BAAT: variants seen among roughly 807,000 people sequenced by gnomAD.
The protein encoded by BAAT is bile acid CoA: amino acid N-acyltransferase (glycine N-choloyltransferase).
A neutral mutation model predicts 18.9 loss-of-function variants in BAAT; 13 were observed. The observed-to-expected ratio is 0.69, with a 90% CI of 0.45 to 1.10. The LOEUF is 1.10. BAAT is among the 50% of genes least tolerant of loss of function. The pLI is 0.00. For missense variants in BAAT, 489 were observed against 504.0 expected, an observed-to-expected ratio of 0.97 and a Z score of 0.28; for synonymous variants, 170 against 190.7, an observed-to-expected ratio of 0.89 and a Z score of 0.89.
chr9:101,367,964 T>C (rs1472425616), intron 3 of BAAT, among the ~76,000 whole-genome samples, 156 bp downstream of exon 3: 3 of 152,182 alleles, frequency 2.0e-5, no homozygotes, highest in African/African-American at 4.8e-5. Flanking sequence ...CCTGTGCACA[T>C]TGTAGTATCA....
chr9:101,370,318 TCC>T (rs1314777881), intron 2 of BAAT, among the ~76,000 whole-genome samples: 1 of 146,080 alleles, frequency 6.8e-6, no homozygotes, highest in Non-Finnish European at 1.5e-5. Context: ...GCATGCATTA[TCC>T]TTTTTTTTTT....
chr9:101,363,083 A>G (rs1829766753), intron 3 of BAAT, 68 bp from the exon 4 acceptor site: 1 of 1,434,102 alleles, frequency 7.0e-7, no homozygotes, highest in Non-Finnish European at 9.6e-7. Context: ...AATCTCAAAC[A>G]ACCAAAGAAC....
intron 3 of BAAT, among the ~76,000 whole-genome samples, chr9:101,365,456 G>T (rs1588139328): frequency 1.3e-5 from 2 of 151,752 alleles, no homozygotes; most frequent in Admixed American, 6.6e-5. Flanking sequence ...TTTAACAGGG[G>T]TGGCTTGAAT....
intron 3 of BAAT, among the ~76,000 whole-genome samples, chr9:101,363,542 A>G (rs965106858): frequency 1.6e-4 from 25 of 152,160 alleles, no homozygotes; most frequent in African/African-American, 5.1e-4. Flanking sequence ...TCAAATAAGC[A>G]TCCTTAAATT....
At position 101,362,655 on chromosome 9, in the gene BAAT, G is replaced by T. The variant is rs753095943; in HGVS notation, c.1030C>A (p.Leu344Met). 4 of 1,614,030 alleles carry T rather than the reference G, an allele frequency of 2.5e-6. No individual in the cohort carries two copies. In the African/African-American group the frequency reaches 5.3e-5, roughly 22 times the overall value. The change falls in exon 4 of 4, where the codon CTG (leucine) becomes ATG (methionine). Residue 344 changes from leucine (L) to methionine (M), a missense_variant. Transcript: ENST00000259407. ...KAHAEQAIGQ[L>M]KRHGKNNWTL... The stretch of plus-strand genomic sequence containing the variant: ...CAGTTGTTCTTCCCATGTCTCTTCA[G>T]CTGTCCTATGGCTTGTTCAGCGTGT...
chr9:101,365,252 T>C (rs1829806693), intron 3 of BAAT, among the ~76,000 whole-genome samples: 1 of 152,176 alleles, frequency 6.6e-6, no homozygotes, highest in Non-Finnish European at 1.5e-5. Context: ...TTTATTTTAA[T>C]TGATCTCCTA....
At chr9:101,369,590 C>T (rs1314087900) in intron 2 of BAAT, among the ~76,000 whole-genome samples, 1 of 152,144 alleles carries the variant, frequency 6.6e-6, no homozygotes, top group African/African-American at 2.4e-5. Context: ...GCACATCATC[C>T]CAAGATGGAA....
Position 101,368,274 on chromosome 9 carries a change from C to T in BAAT, c.515G>A (p.Gly172Glu). 1 of 1,613,250 alleles carries T rather than the reference C, an allele frequency of 6.2e-7. No individual in the cohort carries two copies. The highest frequency in any genetic ancestry group is 8.5e-7 in the Non-Finnish European group (1 of 1,180,012). ...GAGGCTGGCCCGAAATTCAAGCAGC[C>T]CACCCAAACCACCAAACAAATCAAT... ...GVIDLFGGLG[G>E]LLEFRASLLA... The change falls in exon 3 of 4, where the codon GGG (glycine) becomes GAG (glutamate). Residue 172 changes from glycine to glutamate, a missense_variant. By Grantham distance (98) the Gly-to-Glu change is moderately conservative. Transcript: ENST00000259407.
rs774541981 is a variant in BAAT, at chr9:101,368,312, G to A, written c.477C>T (p.Leu159=). The A allele has an allele frequency of 1.1e-5, 18 of 1,612,130 alleles. No homozygotes were observed. Among genetic ancestry groups the A allele is most frequent in the Non-Finnish European group, 1.4e-5 (17 of 1,179,890 alleles). Residue 159 remains leucine (L), a synonymous_variant, in exon 3 of 4, where the codon CTC becomes CTT. Transcript: ENST00000259407. ...CAAACAAATCAATTACCCCTGGGAA[G>A]AGACCCTCTCCTGAAAAATAACAAA... ...GALFLPPGEG[L]FPGVIDLFGG... is the part of the protein sequence containing the mutation.
chr9:101,370,840 C>A, intron 2 of BAAT, 99 bp downstream of exon 2: 2 of 1,307,782 alleles, frequency 1.5e-6, no homozygotes, highest in Middle Eastern at 2.0e-4. Context: ...TAACAATAAC[C>A]AGAGTAATTC....
At chr9:101,366,028 A>G (rs549057566) in intron 3 of BAAT, among the ~76,000 whole-genome samples, 3 of 152,238 alleles carry the variant, frequency 2.0e-5, no homozygotes, top group African/African-American at 7.2e-5. Context: ...TATACAATAC[A>G]TTATTATTAA....
intron 1 of BAAT, among the ~76,000 whole-genome samples, chr9:101,379,562 A>G (rs1182084988): frequency 6.6e-6 from 1 of 152,260 alleles, no homozygotes; most frequent in East Asian, 1.9e-4. Flanking sequence ...CATTTTGCAA[A>G]TAAATTGGTC....
At chr9:101,382,790 T>C (rs935014285) in intron 1 of BAAT, among the ~76,000 whole-genome samples, 1 of 152,230 alleles carries the variant, frequency 6.6e-6, no homozygotes, top group Non-Finnish European at 1.5e-5. Flanking sequence ...TTTATTTCTA[T>C]ACAAATATCA....
intron 3 of BAAT, among the ~76,000 whole-genome samples, chr9:101,365,179 C>T (rs1201068661): frequency 2.0e-5 from 3 of 152,148 alleles, no homozygotes; most frequent in Non-Finnish European, 4.4e-5. Context: ...GCACTGGCTC[C>T]TGGCAAGGAC....
intron 3 of BAAT, among the ~76,000 whole-genome samples, chr9:101,364,241 A>G (rs4322060): frequency 0.075 from 11,469 of 152,122 alleles, 585 homozygotes; most frequent in African/African-American, 0.14. Flanking sequence ...CTACCTAAGG[A>G]CTTTTTTTGC....
chr9:101,383,472 G>A (rs1215762621), intron 1 of BAAT: 1 of 152,114 alleles, frequency 6.6e-6, no homozygotes, highest in African/African-American at 2.4e-5. Flanking sequence ...CAAAGTACCT[G>A]GATTCTTCCT....
At chr9:101,373,230 A>T (rs1166800922) in intron 1 of BAAT, among the ~76,000 whole-genome samples, 1 of 152,194 alleles carries the variant, frequency 6.6e-6, no homozygotes, top group Non-Finnish European at 1.5e-5. Flanking sequence ...ATAAGCATGC[A>T]TACTTACAAA....
At chr9:101,372,558 C>T (rs1588142630) in intron 1 of BAAT, among the ~76,000 whole-genome samples, 1 of 151,034 alleles carries the variant, frequency 6.6e-6, no homozygotes, top group East Asian at 1.9e-4. Flanking sequence ...CAAGAGTTAC[C>T]ACTGTTCTCT....
intron 1 of BAAT, among the ~76,000 whole-genome samples, chr9:101,381,626 C>G (rs1830134065): frequency 6.6e-6 from 1 of 151,560 alleles, no homozygotes; most frequent in African/African-American, 2.4e-5. Context: ...AACACATTGT[C>G]AAAAAAAGAC....
Sources: gnomAD v4.1 joint callset for allele counts (sites outside exome capture counted in the v4.1 genomes callset) on GRCh38, gnomAD v4.1.1 for gene constraint, MANE v1.5 for transcripts, NCBI Gene and HGNC (gene_info 2026-07-23, HGNC 2026-07-21) for gene names.